ANP32B: variants seen among roughly 807,000 people sequenced by gnomAD.
The protein encoded by ANP32B is acidic leucine-rich nuclear phosphoprotein 32 family member B.
Under a neutral mutation model 32.2 loss-of-function variants are expected in ANP32B, and 6 were observed. The observed-to-expected ratio is 0.19, with a 90% CI of 0.10 to 0.37. The LOEUF (loss-of-function observed/expected upper bound fraction) is 0.37, where lower values mean the gene tolerates loss of function less well. Ranked by LOEUF, ANP32B falls within the 10% of genes least tolerant of loss-of-function variation. The pLI is 1.00. For missense variants in ANP32B, 204 were observed against 289.2 expected (o/e 0.71, Z 2.14); for synonymous variants, 98 against 105.8 (o/e 0.93, Z 0.45).
chr9:97,994,863 T>A lies in ANP32B; in HGVS notation c.204+83T>A, dbSNP rs1221150768. The A allele has an allele frequency of 2.9e-6, 4 of 1,387,134 alleles. No homozygotes were observed. In the East Asian group the frequency reaches 7.1e-5, roughly 25 times the overall value. 85.9% of individuals were successfully genotyped at this position (1,387,134 alleles called of 1,614,324 possible). On this transcript the variant is annotated intron_variant, in intron 2 of 6. Transcript: ENST00000339399. ...ATTTTACCTGTAAGGAAGCACTTAG[T>A]GTAGCAGAAAGCACATGGCCTTTGG...
rs1219650235 is a variant in ANP32B, at chr9:98,015,470, T to C, written c.*39T>C. ...CTGCAGAAACAGAACTGTTCAGTAT[T>C]GGTTGGACTGCTCATGGATTTTGTA... On this transcript the variant is annotated 3_prime_UTR_variant, in exon 7 of 7. Coordinates refer to ENST00000339399, the MANE Select transcript of ANP32B (RefSeq NM_006401.3). The C allele has an allele frequency of 2.6e-6, 4 of 1,543,100 alleles. No homozygotes were observed. The highest frequency in any genetic ancestry group is 2.3e-4 in the Middle Eastern group (1 of 4,340).
intron 1 of ANP32B, chr9:97,986,954 G>A (rs1331997079): frequency 1.3e-5 from 2 of 152,178 alleles, no homozygotes; most frequent in Non-Finnish European, 2.9e-5. Context: ...CTTTTATTGT[G>A]TATATGGCTT....
intron 4 of ANP32B, among the ~76,000 whole-genome samples, chr9:98,008,241 C>G: frequency 6.6e-6 from 1 of 152,150 alleles, no homozygotes; most frequent in East Asian, 1.9e-4. Context: ...GTTTTCTGTT[C>G]TGAGCATTGG....
In ANP32B at chr9:97,994,902, T is replaced by C. The variant is rs878922753; in HGVS notation, c.204+122T>C. 5.2e-5 allele frequency: 49 copies of C among 944,352 alleles called. No individual in the cohort carries two copies. In the African/African-American group the frequency reaches 5.6e-4, roughly 11 times the overall value. The allele number at this position is 944,352 out of a possible 1,614,324, so 58.5% of individuals were successfully genotyped here. On this transcript the variant is annotated intron_variant, in intron 2 of 6. Coordinates refer to ENST00000339399, the MANE Select transcript of ANP32B (RefSeq NM_006401.3). ...CATGGCCTTTGGAACTGGGCAGATA[T>C]GGGATTGAATTCTAGCCCTAGCATT... is the stretch of plus-strand genomic sequence containing the variant.
In ANP32B at chr9:97,983,521, G is replaced by A. The variant is rs753779712; in HGVS notation, c.-35G>A. The A allele has an allele frequency of 1.2e-4, 186 of 1,545,654 alleles. No homozygotes were observed. Among genetic ancestry groups the A allele is most frequent in the Non-Finnish European group, 1.4e-4 (161 of 1,145,138 alleles). ...CTCTCCCCCCTCCGCCCCCGCCGCG[G>A]AAAGTTAAGTTTGAAGAGGGGGGAA... On this transcript the variant is annotated 5_prime_UTR_variant, in exon 1 of 7. Coordinates refer to ENST00000339399, the MANE Select transcript of ANP32B (RefSeq NM_006401.3).
chr9:97,998,298 T>C (rs1043531147), intron 2 of ANP32B, among the ~76,000 whole-genome samples: 5 of 152,200 alleles, frequency 3.3e-5, no homozygotes, highest in African/African-American at 1.2e-4. Flanking sequence ...GTTAGAAAAT[T>C]TATTTGCTGA....
At chr9:98,009,449 G>A (rs1828142884) in intron 4 of ANP32B, among the ~76,000 whole-genome samples, 1 of 152,254 alleles carries the variant, frequency 6.6e-6, no homozygotes, top group South Asian at 2.1e-4. Flanking sequence ...TTTTTCCACA[G>A]ATGCAGGGAA....
At position 98,012,418 on chromosome 9, in the gene ANP32B, T is replaced by C. The variant is rs747323693; in HGVS notation, c.637-3T>C. 5 of 1,611,794 alleles carry C rather than the reference T, an allele frequency of 3.1e-6. No individual in the cohort carries two copies. The East Asian group carries it at 6.7e-5, about 22-fold the overall frequency. The stretch of plus-strand genomic sequence containing the variant: ...TAATGTTATGCTGTTTGCTATTCTT[T>C]AGGAAGAAGAATTTGGACTTGATGA... On this transcript the variant is annotated splice_polypyrimidine_tract_variant and splice_region_variant and intron_variant, in intron 5 of 6. Coordinates refer to ENST00000339399, the MANE Select transcript of ANP32B (RefSeq NM_006401.3).
chr9:97,996,456 A>T (rs1190274286), intron 2 of ANP32B, among the ~76,000 whole-genome samples: 1 of 152,216 alleles, frequency 6.6e-6, no homozygotes, highest in Non-Finnish European at 1.5e-5. Context: ...TACACAAATT[A>T]AAAACTTTTA....
At chr9:97,988,295 G>A (rs925778692) in intron 1 of ANP32B, among the ~76,000 whole-genome samples, 4 of 152,086 alleles carry the variant, frequency 2.6e-5, no homozygotes, top group Non-Finnish European at 5.9e-5. Context: ...ATCTTATAAT[G>A]TGATTTTTTT....
intron 3 of ANP32B, among the ~76,000 whole-genome samples, chr9:98,000,240 A>G (rs182342012): frequency 1.1e-4 from 16 of 152,134 alleles, no homozygotes; most frequent in African/African-American, 3.1e-4. Flanking sequence ...CGACCTCCCA[A>G]AGTGTTTGGG....
At chr9:98,005,689 G>A (rs1204795162) in intron 4 of ANP32B, among the ~76,000 whole-genome samples, 3 of 152,140 alleles carry the variant, frequency 2.0e-5, no homozygotes, top group African/African-American at 7.2e-5. Context: ...TCCCCAAGTG[G>A]TGGGATTACA....
At position 97,998,513 on chromosome 9, in the gene ANP32B, C is replaced by T. The variant is rs562994430; in HGVS notation, c.205-43C>T. The T allele has an allele frequency of 5.2e-5, 80 of 1,552,532 alleles. No homozygotes were observed. The South Asian group carries it at 9.5e-4, about 18-fold the overall frequency. On this transcript the variant is annotated intron_variant, in intron 2 of 6. Coordinates refer to ENST00000339399, the MANE Select transcript of ANP32B (RefSeq NM_006401.3). Reference sequence around the variant, plus strand: ...AATACCTTAAATGATTTCTGTTTCTCTGTGTGTATTTGTGTTTGTGTTGTG... The same window carrying T: ...AATACCTTAAATGATTTCTGTTTCTTTGTGTGTATTTGTGTTTGTGTTGTG...
intron 1 of ANP32B, among the ~76,000 whole-genome samples, chr9:97,988,682 A>T (rs1344859759): frequency 6.6e-6 from 1 of 152,154 alleles, no homozygotes; most frequent in African/African-American, 2.4e-5. Flanking sequence ...CCAAGATAAC[A>T]CCACTTCACT....
rs370036482 is a variant in ANP32B, at chr9:97,990,473, C to T, written c.55-4158C>T. 8.5e-5 allele frequency among the ~76,000 whole-genome samples: 13 copies of T among 152,286 alleles called. No homozygotes were observed. In the East Asian group the frequency reaches 2.5e-3, roughly 29 times the overall value. ...ATTCCCATTCTCCTCTGTGCTTATT[C>T]CCCAGTGACTCATCTTCTCAGTATG... is the stretch of plus-strand genomic sequence containing the variant. On this transcript the variant is annotated intron_variant, in intron 1 of 6. Coordinates refer to ENST00000339399, the MANE Select transcript of ANP32B (RefSeq NM_006401.3).
chr9:98,012,440 A>G lies in ANP32B; in HGVS notation c.656A>G (p.Asp219Gly), dbSNP rs762271758. 1.9e-6 allele frequency: 3 copies of G among 1,610,818 alleles called. No homozygotes were observed. Residue 219 changes from aspartate to glycine, a missense_variant, in exon 6 of 7, where the codon GAT becomes GGT. By Grantham distance (94) the Asp-to-Gly change is moderately conservative. Coordinates refer to ENST00000339399, the MANE Select transcript of ANP32B (RefSeq NM_006401.3). The stretch of plus-strand genomic sequence containing the variant: ...CTTTAGGAAGAAGAATTTGGACTTG[A>G]TGAAGAAGATGAAGATGAGGATGAG... ...VSEEEEEFGLDEEDEDEDEDE... is the reference protein window; with the variant it reads ...VSEEEEEFGLGEEDEDEDEDE...
At chr9:97,996,226 C>T (rs1827903835) in intron 2 of ANP32B, among the ~76,000 whole-genome samples, 1 of 152,128 alleles carries the variant, frequency 6.6e-6, no homozygotes. Flanking sequence ...CTAGCAGATC[C>T]TTAGTGTGTG....
At chr9:97,998,274 G>C (rs780273723) in intron 2 of ANP32B, among the ~76,000 whole-genome samples, 1 of 152,210 alleles carries the variant, frequency 6.6e-6, no homozygotes, top group South Asian at 2.1e-4. Flanking sequence ...AATTGGTTTT[G>C]ACCCACTTTT....
At chr9:97,998,017 T>A (rs1827932009) in intron 2 of ANP32B, among the ~76,000 whole-genome samples, 1 of 152,184 alleles carries the variant, frequency 6.6e-6, no homozygotes, top group Non-Finnish European at 1.5e-5. Context: ...TTTCCTGAGG[T>A]TATGAAGCTT....
Sources: gnomAD v4.1 joint callset for allele counts (sites outside exome capture counted in the v4.1 genomes callset) on GRCh38, gnomAD v4.1.1 for gene constraint, MANE v1.5 for transcripts, NCBI Gene and HGNC (gene_info 2026-07-23, HGNC 2026-07-21) for gene names.